TMEM74: variants seen among roughly 807,000 people sequenced by gnomAD.
TMEM74 encodes transmembrane protein 74.
TMEM74 carries 13 observed loss-of-function variants against 18.1 expected under a neutral mutation model. The ratio of observed to expected loss-of-function variants is 0.72; its 90% CI spans 0.47 to 1.14. TMEM74 has a LOEUF of 1.14. TMEM74 is among the 50% of genes most tolerant of loss of function. TMEM74 has a pLI of 0.00. For missense variants in TMEM74, 372 were observed against 375.9 expected, an observed-to-expected ratio of 0.99 and a Z score of 0.09; for synonymous variants, 159 against 146.6, an observed-to-expected ratio of 1.08 and a Z score of -0.61.
chr8:108,699,167 TC>T (rs1563529260), intron 1 of TMEM74, among the ~76,000 whole-genome samples: 9 of 108,044 alleles, frequency 8.3e-5, no homozygotes, highest in Non-Finnish European at 1.3e-4. Flanking sequence ...CTTCCTTCCT[TC>T]CTTCCTTCCT....
At chr8:108,633,460 T>C (rs1277479444) in intron 2 of TMEM74, among the ~76,000 whole-genome samples, 1 of 152,024 alleles carries the variant, frequency 6.6e-6, no homozygotes, top group Non-Finnish European at 1.5e-5. Flanking sequence ...CTGACACTTA[T>C]AAGCTAGTAA....
At chr8:108,619,704 C>T (rs1236301368) in intron 2 of TMEM74, among the ~76,000 whole-genome samples, 1 of 152,146 alleles carries the variant, frequency 6.6e-6, no homozygotes, top group Non-Finnish European at 1.5e-5. Flanking sequence ...GCCCTCATGT[C>T]CCAGGAGAGC....
At chr8:108,721,473 G>C (rs1563535166) in intron 1 of TMEM74, among the ~76,000 whole-genome samples, 1 of 152,190 alleles carries the variant, frequency 6.6e-6, no homozygotes, top group African/African-American at 2.4e-5. Flanking sequence ...TGTCTTTGCT[G>C]TTCCATCGAT....
intron 2 of TMEM74, among the ~76,000 whole-genome samples, chr8:108,609,720 T>A (rs1014867702): frequency 6.6e-6 from 1 of 152,200 alleles, no homozygotes; most frequent in Non-Finnish European, 1.5e-5. Flanking sequence ...ACAAACAGAC[T>A]TGAAAGTAAT....
intron 1 of TMEM74, among the ~76,000 whole-genome samples, chr8:108,746,679 C>T (rs1813851249): frequency 6.6e-6 from 1 of 151,998 alleles, no homozygotes; most frequent in South Asian, 2.1e-4. Context: ...GGCTGGTTGC[C>T]AGGGGAACAA....
rs186345900 is a variant in TMEM74 at position 108,687,174 on chromosome 8, A to T, written n.120-31737T>A. Among the ~76,000 whole-genome samples the T allele has an allele frequency of 2.0e-3, 297 of 152,248 alleles. 2 individuals are homozygous for T. The highest frequency in any genetic ancestry group is 3.3e-3 in the Non-Finnish European group (222 of 68,018). ...CCAGGTGATTATACAATCACAAAAAACTACTGACATTAAAGAAAAGTGCAA... is the reference window on the plus strand; with the variant it reads ...CCAGGTGATTATACAATCACAAAAATCTACTGACATTAAAGAAAAGTGCAA... On this transcript the variant is annotated intron_variant and non_coding_transcript_variant, in intron 1 of 3. Transcript: ENST00000518838.
intron 1 of TMEM74, among the ~76,000 whole-genome samples, chr8:108,768,631 A>T (rs1309903522): frequency 6.6e-6 from 1 of 151,984 alleles, no homozygotes; most frequent in Non-Finnish European, 1.5e-5. Flanking sequence ...TCATAGCACA[A>T]CTCTCTTCAA....
chr8:108,695,551 T>C (rs757539953), intron 1 of TMEM74, among the ~76,000 whole-genome samples: 6 of 152,144 alleles, frequency 3.9e-5, no homozygotes, highest in Non-Finnish European at 4.4e-5. Flanking sequence ...GGAGGCACAA[T>C]ATGCAGGTAA....
chr8:108,692,467 C>T (rs1031839478), intron 1 of TMEM74, among the ~76,000 whole-genome samples: 2 of 152,182 alleles, frequency 1.3e-5, no homozygotes, highest in African/African-American at 4.8e-5. Context: ...TACTGGCATT[C>T]CTCTCTTCTT....
intron 1 of TMEM74, among the ~76,000 whole-genome samples, chr8:108,665,688 G>A (rs947560477): frequency 5.3e-5 from 8 of 152,110 alleles, no homozygotes; most frequent in Admixed American, 2.0e-4. Context: ...GCAGACTGGA[G>A]TCAAGATGGA....
At chr8:108,770,726 A>T (rs1021381072) in intron 1 of TMEM74, among the ~76,000 whole-genome samples, 1 of 152,176 alleles carries the variant, frequency 6.6e-6, no homozygotes, top group African/African-American at 2.4e-5. Context: ...AGAAAAAAAT[A>T]TTAACATATT....
At chr8:108,646,201 A>G (rs951021518) in intron 2 of TMEM74, among the ~76,000 whole-genome samples, 1 of 151,962 alleles carries the variant, frequency 6.6e-6, no homozygotes, top group Non-Finnish European at 1.5e-5. Flanking sequence ...ATGTGTATCC[A>G]TGCTAAATAT....
chr8:108,636,239 G>A (rs181085487), intron 2 of TMEM74, among the ~76,000 whole-genome samples: 241 of 152,126 alleles, frequency 1.6e-3, no homozygotes, highest in Middle Eastern at 3.4e-3. Context: ...ATCAGTATAA[G>A]GAATTAGTGG....
chr8:108,657,184 G>A (rs1006880627), intron 1 of TMEM74, among the ~76,000 whole-genome samples: 12 of 151,978 alleles, frequency 7.9e-5, no homozygotes, highest in African/African-American at 2.4e-4. Flanking sequence ...GTTAAAAACT[G>A]AAATTCTAAG....
intron 2 of TMEM74, among the ~76,000 whole-genome samples, chr8:108,630,202 C>T (rs754430750): frequency 6.6e-6 from 1 of 151,970 alleles, no homozygotes; most frequent in Non-Finnish European, 1.5e-5. Flanking sequence ...TCTGAGATAA[C>T]AGACTTTAAA....
intron 1 of TMEM74, among the ~76,000 whole-genome samples, chr8:108,676,551 T>A (rs1813058123): frequency 6.6e-6 from 1 of 152,210 alleles, no homozygotes; most frequent in African/African-American, 2.4e-5. Flanking sequence ...ACTGCTGTCA[T>A]AATCCTATCT....
intron 1 of TMEM74, among the ~76,000 whole-genome samples, chr8:108,698,447 G>A (rs1361789143): frequency 6.6e-6 from 1 of 152,146 alleles, no homozygotes; most frequent in African/African-American, 2.4e-5. Flanking sequence ...GCTGTAGAAT[G>A]GACATAATTA....
chr8:108,675,991 G>A (rs1813052899), intron 1 of TMEM74, among the ~76,000 whole-genome samples: 1 of 152,188 alleles, frequency 6.6e-6, no homozygotes, highest in Non-Finnish European at 1.5e-5. Flanking sequence ...AAAAGGATAG[G>A]CAGAGAATTT....
intron 1 of TMEM74, among the ~76,000 whole-genome samples, chr8:108,657,886 A>G (rs1413326732): frequency 1.7e-5 from 2 of 119,876 alleles, no homozygotes; most frequent in South Asian, 2.6e-4. Flanking sequence ...ATATATATAT[A>G]TATATATATA....
Sources: gnomAD v4.1 joint callset for allele counts (sites outside exome capture counted in the v4.1 genomes callset) on GRCh38, gnomAD v4.1.1 for gene constraint, MANE v1.5 for transcripts, NCBI Gene and HGNC (gene_info 2026-07-23, HGNC 2026-07-21) for gene names.